Variants in BLOC1S3 observed in about 807,000 individuals in gnomAD.
The protein encoded by BLOC1S3 is biogenesis of lysosomal organelles complex 1 subunit 3.
Under a neutral mutation model 9.1 loss-of-function variants are expected in BLOC1S3, and 7 were observed. The ratio of observed to expected loss-of-function variants is 0.77; its 90% CI spans 0.44 to 1.45. BLOC1S3 has a LOEUF of 1.45. BLOC1S3 is among the 40% of genes most tolerant of loss of function. The pLI is 0.01. For missense variants in BLOC1S3, 307 were observed against 315.2 expected (o/e 0.97, Z 0.20); for synonymous variants, 145 against 158.4 (o/e 0.92, Z 0.64).
At chr19:45,189,765 G>A (rs1365646200) in intron 2 of BLOC1S3, among the ~76,000 whole-genome samples, 1 of 151,922 alleles carries the variant, frequency 6.6e-6, no homozygotes, top group Non-Finnish European at 1.5e-5. Flanking sequence ...AATCTGCTTG[G>A]TGTTCTATAA....
At chr19:45,210,633 C>T (rs553569148) in intron 3 of BLOC1S3, among the ~76,000 whole-genome samples, 1 of 151,498 alleles carries the variant, frequency 6.6e-6, no homozygotes, top group African/African-American at 2.4e-5. Context: ...GAGACAAGGT[C>T]TCACCTATCA....
At position 45,179,589 on chromosome 19, in the gene BLOC1S3, A is replaced by C. The variant is rs1019144082; in HGVS notation, c.293A>C (p.Glu98Ala). 1 of 1,483,894 alleles carries C rather than the reference A, an allele frequency of 6.7e-7. No homozygotes were observed. The highest frequency in any genetic ancestry group is 8.9e-7 in the Non-Finnish European group (1 of 1,123,936). The allele number at this position is 1,483,894 out of a possible 1,614,324, so 91.9% of individuals were successfully genotyped here. A position where few individuals can be genotyped will look rare whatever the true frequency, so the allele number is the denominator to read the frequency against. The change falls in exon 2 of 2, where the codon GAG becomes GCG. Residue 98 changes from glutamate (E) to alanine (A), a missense_variant. Glu to Ala is a moderately radical substitution (Grantham distance 107, BLOSUM62 -1). Transcript: ENST00000433642. This position sits in a 1 kb window ranked among gnomAD's most constrained non-coding sequence, Gnocchi z 4.6. ...GCGGAGGAGGCCTGGGGCACGGAGG[A>C]GGCCCCGGCGCCCGCCCCCGCGCGC... ...ESAEEAWGTE[E>A]APAPAPARSL...
rs370253376 is a variant in BLOC1S3 at position 45,195,018 on chromosome 19, G to A, written n.180+7278G>A. ...ATGATCTCAGCTCACTGCAATCTCC[G>A]CCTCCCAGTTCAAGCGAGTCTCCTG... On this transcript the variant is annotated intron_variant and non_coding_transcript_variant, in intron 2 of 3. Transcript: ENST00000591569. Among the ~76,000 whole-genome samples the A allele has an allele frequency of 7.4e-5, 11 of 149,162 alleles. No individual in the cohort carries two copies. In the South Asian group the frequency reaches 1.5e-3, roughly 20 times the overall value.
In BLOC1S3 at chr19:45,196,817, C is replaced by T. The variant is rs368915071; in HGVS notation, n.181-5589C>T. Among the ~76,000 whole-genome samples the T allele has an allele frequency of 7.3e-5, 11 of 151,430 alleles. No individual in the cohort carries two copies. The East Asian group carries it at 1.2e-3, about 16-fold the overall frequency. On this transcript the variant is annotated intron_variant and non_coding_transcript_variant, in intron 2 of 3. Coordinates refer to the BLOC1S3 transcript ENST00000591569. ...GTGGGAGGCTGAGGCAGGAGAATGG[C>T]GTGAACCTGGGAGGCAGAGCTTGCA...
At chr19:45,190,955 G>A (rs4564699) in intron 2 of BLOC1S3, among the ~76,000 whole-genome samples, 21,842 of 146,208 alleles carry the variant, frequency 0.15, 1,777 homozygotes, top group East Asian at 0.3. Context: ...ACAGGCACCC[G>A]ACACCACGCC....
intron 3 of BLOC1S3, among the ~76,000 whole-genome samples, chr19:45,203,174 A>G (rs1969703763): frequency 6.6e-6 from 1 of 152,184 alleles, no homozygotes; most frequent in South Asian, 2.1e-4. Flanking sequence ...AGTGGGCCTC[A>G]TGCCCTCCAG....
intron 2 of BLOC1S3, among the ~76,000 whole-genome samples, chr19:45,189,820 G>T (rs1271130954): frequency 6.6e-6 from 1 of 151,966 alleles, no homozygotes; most frequent in Non-Finnish European, 1.5e-5. Flanking sequence ...GATTTGGGAA[G>T]TTCTGTGTTA....
chr19:45,196,928 T>C (rs868227464), intron 2 of BLOC1S3, among the ~76,000 whole-genome samples: 7 of 143,866 alleles, frequency 4.9e-5, no homozygotes, highest in African/African-American at 1.8e-4. Context: ...TTTAGGAAAG[T>C]GTCTGAGAGA....
chr19:45,199,865 A>T (rs1349570321), intron 2 of BLOC1S3, among the ~76,000 whole-genome samples: 1 of 151,770 alleles, frequency 6.6e-6, no homozygotes, highest in Non-Finnish European at 1.5e-5. Flanking sequence ...TCCTGCGTTC[A>T]ATCAATTCTG....
chr19:45,215,138 C>T (rs529850156), intron 3 of BLOC1S3, among the ~76,000 whole-genome samples: 5 of 152,066 alleles, frequency 3.3e-5, no homozygotes, highest in African/African-American at 9.6e-5. Context: ...GAGACTCTGT[C>T]TCAAAAAACA....
intron 2 of BLOC1S3, among the ~76,000 whole-genome samples, chr19:45,188,423 C>T (rs578236487): frequency 6.6e-6 from 1 of 152,242 alleles, no homozygotes; most frequent in East Asian, 1.9e-4. Flanking sequence ...AGTCCCCCAT[C>T]TCAGCCTCCC....
intron 2 of BLOC1S3, among the ~76,000 whole-genome samples, chr19:45,189,799 A>G (rs1410263103): frequency 3.9e-5 from 6 of 152,018 alleles, no homozygotes; most frequent in Admixed American, 3.9e-4. Flanking sequence ...GAATACCGAT[A>G]TCCTTCTGTA....
intron 2 of BLOC1S3, among the ~76,000 whole-genome samples, chr19:45,191,221 G>A (rs527386869): frequency 2.1e-4 from 31 of 151,060 alleles, no homozygotes; most frequent in African/African-American, 5.3e-4. Context: ...CTCCCTGGTT[G>A]AAGCGATTCT....
rs1171755679 is a variant in BLOC1S3, at chr19:45,179,621, C to T, written c.325C>T (p.Leu109=). ...APAPAPARSL[L]QLRLAESQAR... ...GGCGCCCGCCCCCGCGCGCTCGCTC[C>T]TGCAACTTCGGCTGGCGGAGAGCCA... Residue 109 remains leucine (L), a synonymous_variant, in exon 2 of 2, where the codon CTG becomes TTG. Coordinates refer to ENST00000433642, the MANE Select transcript of BLOC1S3 (RefSeq NM_212550.5). This position sits in a 1 kb window ranked among gnomAD's most constrained non-coding sequence, Gnocchi z 4.6. The T allele has an allele frequency of 3.4e-6, 5 of 1,475,330 alleles. No individual in the cohort carries two copies. The East Asian group carries it at 1.4e-4, about 43-fold the overall frequency. 91.4% of individuals were successfully genotyped at this position (1,475,330 alleles called of 1,614,324 possible). A position where few individuals can be genotyped will look rare whatever the true frequency, so the allele number is the denominator to read the frequency against.
At chr19:45,185,909 G>A (rs145744677), downstream of BLOC1S3, among the ~76,000 whole-genome samples, 7 of 152,136 alleles carry the variant, frequency 4.6e-5, no homozygotes, top group East Asian at 1.4e-3. Flanking sequence ...TCAGAAGTTC[G>A]AAACCAGCCT....
rs1178223936 is a variant in BLOC1S3, at chr19:45,179,617, G to C, written c.321G>C (p.Ser107=). 2.0e-6 allele frequency: 3 copies of C among 1,469,816 alleles called. No individual in the cohort carries two copies. The highest frequency in any genetic ancestry group is 2.7e-6 in the Non-Finnish European group (3 of 1,117,314). The allele number at this position is 1,469,816 out of a possible 1,614,324, so 91.0% of individuals were successfully genotyped here. The change falls in exon 2 of 2, where the codon TCG becomes TCC. Residue 107 remains serine, a synonymous_variant. Transcript: ENST00000433642. The surrounding 1 kb of genome is among the most constrained non-coding windows in gnomAD (Gnocchi z 4.6). The stretch of plus-strand genomic sequence containing the variant: ...CCCCGGCGCCCGCCCCCGCGCGCTC[G>C]CTCCTGCAACTTCGGCTGGCGGAGA... ...EEAPAPAPAR[S]LLQLRLAESQ...
intron 2 of BLOC1S3, among the ~76,000 whole-genome samples, chr19:45,188,608 T>C (rs918038618): frequency 2.7e-5 from 4 of 150,860 alleles, no homozygotes; most frequent in Non-Finnish European, 4.4e-5. Context: ...GTTTCACTCT[T>C]GTTGCCCAGG....
chr19:45,188,042 A>T, intron 2 of BLOC1S3, among the ~76,000 whole-genome samples: 1 of 142,510 alleles, frequency 7.0e-6, no homozygotes, highest in Non-Finnish European at 1.6e-5. Context: ...TTTTTTTTTG[A>T]GAGAGAGCCT....
At chr19:45,206,353 CAAAAA>C (rs529931068) in intron 3 of BLOC1S3, among the ~76,000 whole-genome samples, 49 of 83,898 alleles carry the variant, frequency 5.8e-4, no homozygotes, top group African/African-American at 2.1e-3. Flanking sequence ...GTGAAACTCT[CAAAAA>C]AAAAAAAAAA....
Sources: allele counts gnomAD v4.1 joint callset (sites outside exome capture counted in the v4.1 genomes callset), GRCh38; gene constraint gnomAD v4.1.1; non-coding constraint Gnocchi (gnomAD v3.1); transcripts MANE v1.5; gene names NCBI Gene and HGNC (gene_info 2026-07-23, HGNC 2026-07-21).